Variants in TNFAIP8 observed in about 807,000 individuals in gnomAD.
The protein encoded by TNFAIP8 is tumor necrosis factor alpha-induced protein 8.
Under a neutral mutation model 13.3 loss-of-function variants are expected in TNFAIP8, and 7 were observed. That is an observed-to-expected ratio of 0.52 (90% CI 0.30 to 0.99). The LOEUF (loss-of-function observed/expected upper bound fraction) is 0.99, where lower values mean the gene tolerates loss of function less well. TNFAIP8 is among the 50% of genes least tolerant of loss of function. The pLI, the probability that TNFAIP8 is intolerant of heterozygous loss-of-function variation, is 0.07. For missense variants in TNFAIP8, 258 were observed against 236.9 expected (o/e 1.09, Z -0.58); for synonymous variants, 94 against 87.6 (o/e 1.07, Z -0.41).
chr5:119,379,386 G>A (rs768132010), intron 1 of TNFAIP8, among the ~76,000 whole-genome samples: 1 of 152,182 alleles, frequency 6.6e-6, no homozygotes, highest in Non-Finnish European at 1.5e-5. Context: ...TCACAAGACA[G>A]AAAAGCAGGT....
At chr5:119,318,558 AATGCTGAGATTACAGAC>A (rs1749964962) in intron 1 of TNFAIP8, among the ~76,000 whole-genome samples, 1 of 152,050 alleles carries the variant, frequency 6.6e-6, no homozygotes, top group Non-Finnish European at 1.5e-5. Context: ...AGTCTCCCAA[AATGCTGAGATTACAGAC>A]ATGAGCCACT....
At chr5:119,286,177 G>T (rs2150807602) in intron 1 of TNFAIP8, among the ~76,000 whole-genome samples, 1 of 152,278 alleles carries the variant, frequency 6.6e-6, no homozygotes, top group Non-Finnish European at 1.5e-5. Context: ...GCTGAGAAAA[G>T]GTGGGCATTG....
intron 1 of TNFAIP8, among the ~76,000 whole-genome samples, chr5:119,281,306 A>ACT (rs34012819): frequency 2.6e-5 from 3 of 114,132 alleles, no homozygotes; most frequent in African/African-American, 6.1e-5. Flanking sequence ...ACACACACAC[A>ACT]CTCTCTCTCT....
At chr5:119,359,213 A>G (rs761660467) in intron 1 of TNFAIP8, among the ~76,000 whole-genome samples, 41 of 152,248 alleles carry the variant, frequency 2.7e-4, no homozygotes, top group Non-Finnish European at 5.3e-4. Flanking sequence ...TTTTCTGCAT[A>G]TAGAAGAACT....
At chr5:119,333,103 G>GTT (rs74745691) in intron 1 of TNFAIP8, 2,311 of 616,564 alleles carry the variant, frequency 3.7e-3, no homozygotes, top group Middle Eastern at 6.1e-3. Flanking sequence ...CTTTTTTTTA[G>GTT]TTTTTTTTTT....
At chr5:119,295,755 C>G (rs1474954573) in intron 1 of TNFAIP8, among the ~76,000 whole-genome samples, 1 of 152,078 alleles carries the variant, frequency 6.6e-6, no homozygotes, top group Admixed American at 6.6e-5. Context: ...ATTCTTCCTA[C>G]CCATGAACAT....
intron 1 of TNFAIP8, among the ~76,000 whole-genome samples, chr5:119,367,984 C>T (rs997236888): frequency 6.6e-6 from 1 of 152,158 alleles, no homozygotes; most frequent in Non-Finnish European, 1.5e-5. Context: ...TCAGTATTCT[C>T]TCCTTGTTAT....
chr5:119,311,688 CAAA>C (rs55965350), intron 1 of TNFAIP8, among the ~76,000 whole-genome samples: 4 of 66,684 alleles, frequency 6.0e-5, no homozygotes, highest in Non-Finnish European at 1.0e-4. Context: ...GACTCCGTCT[CAAA>C]AAAAAAAAAA....
chr5:119,367,453 C>G (rs531549432), intron 1 of TNFAIP8, among the ~76,000 whole-genome samples: 72 of 152,260 alleles, frequency 4.7e-4, no homozygotes, highest in African/African-American at 1.7e-3. Flanking sequence ...ATAGAACCTA[C>G]CAGCAAAAGT....
intron 1 of TNFAIP8, among the ~76,000 whole-genome samples, chr5:119,363,679 T>C (rs893347068): frequency 1.3e-5 from 2 of 152,148 alleles, no homozygotes; most frequent in Non-Finnish European, 2.9e-5. Context: ...GGGTCTTTCT[T>C]ACACCAACCA....
chr5:119,318,866 T>C (rs1427454808), intron 1 of TNFAIP8, among the ~76,000 whole-genome samples: 1 of 152,182 alleles, frequency 6.6e-6, no homozygotes, highest in Non-Finnish European at 1.5e-5. Context: ...ATAGGGTTAT[T>C]TGAGACACTA....
chr5:119,351,540 G>A (rs1157063397), upstream of TNFAIP8, among the ~76,000 whole-genome samples: 1 of 152,128 alleles, frequency 6.6e-6, no homozygotes, highest in Non-Finnish European at 1.5e-5. Flanking sequence ...AGGTGGGCTA[G>A]GCTAAGCTAT....
intron 1 of TNFAIP8, among the ~76,000 whole-genome samples, chr5:119,381,954 C>A (rs1169824047): frequency 6.6e-6 from 1 of 151,946 alleles, no homozygotes; most frequent in Non-Finnish European, 1.5e-5. Context: ...GAACAAAAAA[C>A]GGAGTACCTT....
rs371695787 is a variant in TNFAIP8 at position 119,270,476 on chromosome 5, GGTCTT to G, written c.1+1571_1+1575del. On this transcript the variant is annotated intron_variant, in intron 1 of 1. Transcript: ENST00000274456. ...AGGGTCTTGCTATGTTGTCCAAGGT[GGTCTT>G]GAACTCCTGGGCTCAAGTGATCCTC... Among the ~76,000 whole-genome samples the G allele has an allele frequency of 5.3e-3, 807 of 152,294 alleles. 2 individuals are homozygous for G. Among genetic ancestry groups the G allele is most frequent in the African/African-American group, 0.019 (778 of 41,542 alleles).
At position 119,394,304 on chromosome 5, in the gene TNFAIP8, C is replaced by G. The variant is rs1225941553; in HGVS notation, c.*923C>G. ...AATGAGGGGCAAAAGGGGAGAAATA[C>G]TGCTAAAGAACATGAGCATAAAAAT... On this transcript the variant is annotated 3_prime_UTR_variant, in exon 2 of 2. Transcript: ENST00000504771. The G allele has an allele frequency of 6.6e-6, 1 of 152,132 alleles. No homozygotes were observed. Among genetic ancestry groups the G allele is most frequent in the Non-Finnish European group, 1.5e-5 (1 of 68,026 alleles). The allele number at this position is 152,132 out of a possible 1,614,324, so 9.4% of individuals were successfully genotyped here. A position where few individuals can be genotyped will look rare whatever the true frequency, so the allele number is the denominator to read the frequency against.
intron 1 of TNFAIP8, among the ~76,000 whole-genome samples, chr5:119,336,094 G>C (rs1314175478): frequency 6.6e-6 from 1 of 152,144 alleles, no homozygotes; most frequent in African/African-American, 2.4e-5. Flanking sequence ...GCTTAAGGGA[G>C]GGGGAGAGAT....
At chr5:119,300,941 C>T (rs1166129665) in intron 1 of TNFAIP8, among the ~76,000 whole-genome samples, 1 of 151,604 alleles carries the variant, frequency 6.6e-6, no homozygotes, top group Non-Finnish European at 1.5e-5. Flanking sequence ...CAGTGACCAT[C>T]TCCGAGGCAC....
intron 1 of TNFAIP8, among the ~76,000 whole-genome samples, chr5:119,348,907 A>AT (rs70982474): frequency 0.012 from 1,621 of 135,626 alleles, 102 homozygotes; most frequent in Non-Finnish European, 0.019. Flanking sequence ...AAAAAAAAAA[A>AT]GAATAGACAA....
At chr5:119,315,339 C>T (rs1749856907) in intron 1 of TNFAIP8, among the ~76,000 whole-genome samples, 1 of 152,190 alleles carries the variant, frequency 6.6e-6, no homozygotes, top group South Asian at 2.1e-4. Flanking sequence ...CTATCTTGGC[C>T]TCCCAAAGTG....
Sources: gnomAD v4.1 joint callset for allele counts (sites outside exome capture counted in the v4.1 genomes callset) on GRCh38, gnomAD v4.1.1 for gene constraint, MANE v1.5 for transcripts, NCBI Gene and HGNC (gene_info 2026-07-23, HGNC 2026-07-21) for gene names.